The following ANXA9 variants were observed in gnomAD, a reference collection of about 807,000 sequenced individuals.
ANXA9 encodes the protein annexin 31.
ANXA9 carries 47 observed loss-of-function variants against 51.8 expected under a neutral mutation model. The ratio of observed to expected loss-of-function variants is 0.91; its 90% confidence interval spans 0.72 to 1.16. ANXA9 has a LOEUF of 1.16. Among genes scored for constraint, ANXA9 ranks in the 50% most tolerant of loss-of-function variants. The pLI is 0.00. For missense variants in ANXA9, 361 were observed against 424.7 expected, an observed-to-expected ratio of 0.85 and a Z score of 1.32; for synonymous variants, 154 against 168.7, an observed-to-expected ratio of 0.91 and a Z score of 0.68.
At chr1:150,983,864 C>T in intron 4 of ANXA9, 111 bp from the exon 5 acceptor site, 1 of 1,025,070 alleles carries the variant, frequency 9.8e-7, no homozygotes. Context: ...GATATAGCCC[C>T]TGCTCCTTTC....
chr1:150,985,340 C>T (rs1356203838), intron 7 of ANXA9, among the ~76,000 whole-genome samples: 1 of 152,108 alleles, frequency 6.6e-6, no homozygotes, highest in Non-Finnish European at 1.5e-5. Flanking sequence ...CCTGCCATCA[C>T]ACCACATTCC....
At chr1:150,977,997 A>G (rs766160000), upstream of ANXA9, among the ~76,000 whole-genome samples, 17 of 151,832 alleles carry the variant, frequency 1.1e-4, no homozygotes, top group Non-Finnish European at 2.4e-4. Flanking sequence ...TTAGCTAGGC[A>G]TGGTGGCACA....
chr1:150,988,187 G>A lies in ANXA9; in HGVS notation c.793+1G>A, dbSNP rs1671615179. 1.2e-6 allele frequency: 2 copies of A among 1,614,216 alleles called. No homozygotes were observed. Among genetic ancestry groups the A allele is most frequent in the Non-Finnish European group, 1.7e-6 (2 of 1,180,040 alleles). ...GCTCAGGTGGCTCTGCTCGGCCTAGGTAGGGGCCTGCTCAGGATTTGTGAA... is the reference window on the plus strand; with the variant it reads ...GCTCAGGTGGCTCTGCTCGGCCTAGATAGGGGCCTGCTCAGGATTTGTGAA... On this transcript the variant is annotated splice_donor_variant, in intron 11 of 13. Coordinates refer to ENST00000368947, the MANE Select transcript of ANXA9 (RefSeq NM_003568.3). LOFTEE classifies it high-confidence loss of function.
chr1:150,979,973 G>C (rs150773477), upstream of ANXA9, among the ~76,000 whole-genome samples: 1 of 152,306 alleles, frequency 6.6e-6, no homozygotes, highest in African/African-American at 2.4e-5. Flanking sequence ...TCACACAGAA[G>C]ACCAGAATCC....
upstream of ANXA9, among the ~76,000 whole-genome samples, chr1:150,981,253 G>A (rs1671412858): frequency 6.6e-6 from 1 of 152,208 alleles, no homozygotes; most frequent in Non-Finnish European, 1.5e-5. Context: ...GGTCTACTCA[G>A]TGTGGTGGAG....
rs113700907 is a variant in ANXA9 at position 150,984,033 on chromosome 1, G to C, written c.231G>C (p.Gln77His). The C allele has an allele frequency of 1.9e-6, 3 of 1,611,770 alleles. No homozygotes were observed. In the Admixed American group the frequency reaches 5.1e-5, roughly 27 times the overall value. The stretch of plus-strand genomic sequence containing the variant: ...CCAACCGGAGCAGAGAGCAAAGGCA[G>C]CTCATCTCACGAAACTTCCAGGAGC... ...VLTNRSREQR[Q>H]LISRNFQERT... The change falls in exon 5 of 14, where the codon CAG (glutamine) becomes CAC (histidine). Residue 77 changes from glutamine to histidine, a missense_variant. By Grantham distance (24) the Gln-to-His change is conservative. Coordinates refer to ENST00000368947, the MANE Select transcript of ANXA9 (RefSeq NM_003568.3).
chr1:150,986,440 A>C (rs1200020721), intron 8 of ANXA9, 25 bp downstream of exon 8: 2 of 1,611,810 alleles, frequency 1.2e-6, no homozygotes, highest in South Asian at 2.2e-5. Flanking sequence ...CCTGCAAGGA[A>C]GGGAGTCACG....
chr1:150,979,819 T>G (rs113083782), upstream of ANXA9, among the ~76,000 whole-genome samples: 10 of 152,376 alleles, frequency 6.6e-5, no homozygotes, highest in African/African-American at 2.2e-4. Context: ...TTGTGACATT[T>G]CTACTTAACA....
upstream of ANXA9, among the ~76,000 whole-genome samples, chr1:150,977,840 A>G (rs967286102): frequency 4.6e-5 from 7 of 152,366 alleles, no homozygotes; most frequent in African/African-American, 1.7e-4. Flanking sequence ...GTATTTGCAG[A>G]AAAGCAATGT....
chr1:150,995,404 C>G lies in ANXA9; in HGVS notation c.*82C>G. The G allele has an allele frequency of 1.5e-6, 2 of 1,355,126 alleles. No homozygotes were observed. Among genetic ancestry groups the G allele is most frequent in the Non-Finnish European group, 2.0e-6 (2 of 982,260 alleles). 83.9% of individuals were successfully genotyped at this position (1,355,126 alleles called of 1,614,324 possible). ...TGAACCTGGGAGACCAGCTGGGCCT[C>G]CAAGTAGGATAACCCCTCACTGAGC... is the stretch of plus-strand genomic sequence containing the variant. On this transcript the variant is annotated 3_prime_UTR_variant, in exon 14 of 14. Coordinates refer to ENST00000368947, the MANE Select transcript of ANXA9 (RefSeq NM_003568.3).
chr1:150,986,743 A>C, intron 9 of ANXA9, 82 bp downstream of exon 9: 1 of 1,409,260 alleles, frequency 7.1e-7, no homozygotes, highest in Admixed American at 2.4e-5. Flanking sequence ...CCGGTGACCT[A>C]CGTGCCCATT....
At chr1:150,986,490 C>T in intron 8 of ANXA9, 75 bp downstream of exon 8, 1 of 1,573,926 alleles carries the variant, frequency 6.4e-7, no homozygotes, top group Non-Finnish European at 8.7e-7. Flanking sequence ...GGGAGCATTG[C>T]TGTCCTGTAA....
Position 150,984,638 on chromosome 1 carries a change from C to T in ANXA9, c.434C>T (p.Pro145Leu). Residue 145 changes from proline to leucine, a missense_variant, in exon 7 of 14, where the codon CCA (proline) becomes CTA (leucine). Transcript: ENST00000368947. ...VAIEILATRT[P>L]PQLQECLAVY... Reference sequence around the variant, plus strand: ...ATTGAAATTCTTGCCACTCGAACCCCACCCCAGCTGCAGGAGTGCCTGGCA... The same window carrying T: ...ATTGAAATTCTTGCCACTCGAACCCTACCCCAGCTGCAGGAGTGCCTGGCA... The T allele has an allele frequency of 3.7e-6, 6 of 1,614,116 alleles. No individual in the cohort carries two copies. The Middle Eastern group carries it at 9.9e-4, about 266-fold the overall frequency.
intron 9 of ANXA9, 134 bp downstream of exon 9, chr1:150,986,795 GTTATGTGGT>G: frequency 1.1e-6 from 1 of 876,542 alleles, no homozygotes; most frequent in Non-Finnish European, 1.7e-6. Context: ...GGAGTTCTCA[GTTATGTGGT>G]AGGGGCAGGA....
intron 4 of ANXA9, 47 bp downstream of exon 4, chr1:150,983,481 C>G (rs1170992042): frequency 5.2e-6 from 8 of 1,526,424 alleles, no homozygotes; most frequent in Non-Finnish European, 6.2e-6. Flanking sequence ...TAGAGCCAAT[C>G]TGTAGACCAA....
chr1:150,984,449 CT>C, intron 6 of ANXA9, 55 bp downstream of exon 6: 3 of 1,589,828 alleles, frequency 1.9e-6, no homozygotes, highest in Non-Finnish European at 2.6e-6. Flanking sequence ...GGCTGTCAGC[CT>C]TGCTTTTGCA....
chr1:150,983,021 G>C, intron 2 of ANXA9, 69 bp from the exon 3 acceptor site: 2 of 1,173,264 alleles, frequency 1.7e-6, no homozygotes, highest in Middle Eastern at 2.5e-4. Flanking sequence ...CCAGGGTCTC[G>C]GGGGGGTCAT....
At position 150,984,648 on chromosome 1, in the gene ANXA9, G is replaced by T. The variant is rs587648021; in HGVS notation, c.444G>T (p.Leu148=). 8.7e-6 allele frequency: 14 copies of T among 1,614,024 alleles called. No homozygotes were observed. The East Asian group carries it at 2.7e-4, about 31-fold the overall frequency. The change falls in exon 7 of 14, where the codon CTG becomes CTT. Residue 148 remains leucine (L), a synonymous_variant. Coordinates refer to ENST00000368947, the MANE Select transcript of ANXA9 (RefSeq NM_003568.3). ...TTGCCACTCGAACCCCACCCCAGCT[G>T]CAGGAGTGCCTGGCAGTCTACAAAC... The part of the protein sequence containing the change: ...EILATRTPPQ[L]QECLAVYKHN...
In ANXA9 at chr1:150,987,814, C is replaced by G. The variant is rs1352912596; in HGVS notation, c.613-58C>G. On this transcript the variant is annotated intron_variant, in intron 9 of 13. Transcript: ENST00000368947. ...TTCTGGAACGTCATACCCATGGCTC[C>G]CTAGGCCCCAACCAATGATCCTGAT... 61 of 1,446,956 alleles carry G rather than the reference C, an allele frequency of 4.2e-5. No homozygotes were observed. The Admixed American group carries it at 1.1e-3, about 26-fold the overall frequency. The allele number at this position is 1,446,956 out of a possible 1,614,324, so 89.6% of individuals were successfully genotyped here.
Sources: gnomAD v4.1 joint callset for allele counts (sites outside exome capture counted in the v4.1 genomes callset) on GRCh38, gnomAD v4.1.1 for gene constraint, MANE v1.5 for transcripts, NCBI Gene and HGNC (gene_info 2026-07-23, HGNC 2026-07-21) for gene names.